Variants in MCM10 observed in about 807,000 individuals in gnomAD.
MCM10 encodes protein MCM10 homolog.
MCM10 carries 91 observed loss-of-function variants against 109.9 expected under a neutral mutation model. That is an observed-to-expected ratio of 0.83 (90% CI 0.70 to 0.99). The LOEUF (loss-of-function observed/expected upper bound fraction) is 0.99, where lower values mean the gene tolerates loss of function less well. Among genes scored for constraint, MCM10 ranks in the 50% least tolerant of loss-of-function variants. The pLI is 0.00. For synonymous variants in MCM10, 380 were observed against 387.2 expected (o/e 0.98, Z 0.22); for missense variants, 1,077 against 1,061.2 (o/e 1.01, Z -0.21).
Position 13,172,345 on chromosome 10 carries a change from G to C in MCM10, c.350-31G>C. The C allele has an allele frequency of 6.4e-7, 1 of 1,556,430 alleles. No individual in the cohort carries two copies. Among genetic ancestry groups the C allele is most frequent in the African/African-American group, 1.4e-5 (1 of 73,626 alleles). ...CATGTAGAACGTTTTCTCCTGCCTG[G>C]TTCTTAAATTAACATATTTTCATTT... On this transcript the variant is annotated intron_variant, in intron 3 of 19. Transcript: ENST00000378714. This position sits in a 1 kb window ranked among gnomAD's most constrained non-coding sequence, Gnocchi z 5.2.
rs150066088 is a variant in MCM10 at position 13,193,800 on chromosome 10, C to G, written c.1745+1232C>G. ...CTCGTGGGAAATAGAGAATGCCCAT[C>G]AGCTTGAAGGCATTGCGTAATGAAA... On this transcript the variant is annotated intron_variant, in intron 13 of 19. Coordinates refer to ENST00000378714, the MANE Select transcript of MCM10 (RefSeq NM_018518.5). 3.3e-3 allele frequency among the ~76,000 whole-genome samples: 497 copies of G among 152,236 alleles called. 3 individuals carry two copies. Among genetic ancestry groups the G allele is most frequent in the African/African-American group, 0.011 (475 of 41,528 alleles).
chr10:13,205,349 A>G (rs757906762), intron 18 of MCM10, among the ~76,000 whole-genome samples: 6 of 152,044 alleles, frequency 3.9e-5, no homozygotes, highest in Non-Finnish European at 8.8e-5. Flanking sequence ...TGTTGCTGTA[A>G]AAGACATGAC....
Position 13,192,447 on chromosome 10 carries a change from T to C in MCM10, c.1628-4T>C. The C allele has an allele frequency of 6.2e-7, 1 of 1,614,108 alleles. No homozygotes were observed. The highest frequency in any genetic ancestry group is 8.5e-7 in the Non-Finnish European group (1 of 1,179,980). On this transcript the variant is annotated splice_polypyrimidine_tract_variant and splice_region_variant and intron_variant, in intron 12 of 19. Coordinates refer to ENST00000378714, the MANE Select transcript of MCM10 (RefSeq NM_018518.5). The stretch of plus-strand genomic sequence containing the variant: ...CACCCCCTCAGTCTGGGCTTCTGTT[T>C]CAGGGATTATGGGGAGCCCAAAACC...
intron 6 of MCM10, among the ~76,000 whole-genome samples, chr10:13,179,869 A>G (rs941885467): frequency 1.2e-4 from 19 of 152,216 alleles, no homozygotes; most frequent in Admixed American, 5.9e-4. Flanking sequence ...TAAAATTTGC[A>G]TAATTTAAGA....
intron 16 of MCM10, among the ~76,000 whole-genome samples, chr10:13,200,093 G>C (rs1834477394): frequency 6.6e-6 from 1 of 152,112 alleles, no homozygotes; most frequent in South Asian, 2.1e-4. Flanking sequence ...AGCCTCCCAA[G>C]TAGCTGGGAC....
intron 13 of MCM10, among the ~76,000 whole-genome samples, chr10:13,193,301 A>AT (rs1834373270): frequency 2.1e-5 from 3 of 141,580 alleles, no homozygotes; most frequent in Admixed American, 6.8e-5. Flanking sequence ...TCAGCCAATA[A>AT]TTAAAAAAAA....
rs748336688 is a variant in MCM10, at chr10:13,164,207, A to G, written c.5A>G (p.Asp2Gly). 1 of 1,597,734 alleles carries G rather than the reference A, an allele frequency of 6.3e-7. No homozygotes were observed. Among genetic ancestry groups the G allele is most frequent in the Non-Finnish European group, 8.5e-7 (1 of 1,175,558 alleles). ...CACAACTGTCCTCTTGACAGCATGGATGGTAAGACCTGGCAGTTTTCTGTT... is the reference window on the plus strand; with the variant it reads ...CACAACTGTCCTCTTGACAGCATGGGTGGTAAGACCTGGCAGTTTTCTGTT... M[D>G]EEEDNLSLLT... Residue 2 changes from aspartate to glycine, a missense_variant and splice_region_variant, in exon 2 of 20, where the codon GAT becomes GGT. Transcript: ENST00000378714.
chr10:13,180,635 G>T (rs1005130953), intron 7 of MCM10, 28 bp downstream of exon 7: 7 of 1,610,592 alleles, frequency 4.3e-6, no homozygotes, highest in African/African-American at 1.3e-5. Context: ...TTTCTTAGCT[G>T]TTTTACTACA....
chr10:13,197,507 A>T, intron 14 of MCM10, 116 bp from the exon 15 acceptor site: 1 of 877,532 alleles, frequency 1.1e-6, no homozygotes, highest in South Asian at 1.8e-5. Context: ...TGTTCTGCCA[A>T]TTTCTGTCAG....
intron 8 of MCM10, among the ~76,000 whole-genome samples, chr10:13,185,579 T>C (rs1834264554): frequency 6.6e-6 from 1 of 152,202 alleles, no homozygotes; most frequent in Admixed American, 6.5e-5. Context: ...TAAGGAGTGC[T>C]GGGAGAACAG....
At chr10:13,186,388 T>A in intron 9 of MCM10, 108 bp downstream of exon 9, 2 of 689,882 alleles carry the variant, frequency 2.9e-6, no homozygotes, top group Non-Finnish European at 4.9e-6. Context: ...GTTTCCCACT[T>A]AAAGGAAGAG....
At chr10:13,201,305 C>A in intron 16 of MCM10, 116 bp from the exon 17 acceptor site, 1 of 699,268 alleles carries the variant, frequency 1.4e-6, no homozygotes, top group Admixed American at 2.2e-5. Context: ...CCATTCTGTT[C>A]TGTTTTGATT....
intron 1 of MCM10, among the ~76,000 whole-genome samples, chr10:13,163,325 A>G (rs1833952620): frequency 6.6e-6 from 1 of 152,198 alleles, no homozygotes; most frequent in Non-Finnish European, 1.5e-5. Context: ...CGACAGAGCG[A>G]GATCCTGTCT....
chr10:13,191,789 G>A (rs571136969), intron 11 of MCM10, among the ~76,000 whole-genome samples: 4 of 152,148 alleles, frequency 2.6e-5, no homozygotes, highest in African/African-American at 7.2e-5. Context: ...GTGTATCTGG[G>A]TCCAACTCTT....
Position 13,209,029 on chromosome 10 carries a change from G to A in MCM10, c.2499-62G>A, listed in dbSNP as rs12269085. ...ACTCTCCCCAGGTGCAGTGAGCACCGTCGTCTTTACATGAGTGGGCCTACA... is the reference window on the plus strand; with the variant it reads ...ACTCTCCCCAGGTGCAGTGAGCACCATCGTCTTTACATGAGTGGGCCTACA... On this transcript the variant is annotated intron_variant, in intron 18 of 19. Transcript: ENST00000378714. 6.6e-4 allele frequency: 792 copies of A among 1,197,276 alleles called. 3 individuals carry two copies. The African/African-American group carries it at 0.01, about 15-fold the overall frequency. 74.2% of individuals were successfully genotyped at this position (1,197,276 alleles called of 1,614,324 possible). A position where few individuals can be genotyped will look rare whatever the true frequency, so the allele number is the denominator to read the frequency against.
chr10:13,170,889 T>C, intron 2 of MCM10, 33 bp from the exon 3 acceptor site: 4 of 1,585,902 alleles, frequency 2.5e-6, no homozygotes, highest in Non-Finnish European at 2.6e-6. Context: ...TTAGCCGTGC[T>C]TATTCTCTGT....
chr10:13,191,155 G>A (rs187502702), intron 10 of MCM10, 144 bp from the exon 11 acceptor site: 19 of 599,822 alleles, frequency 3.2e-5, no homozygotes, highest in Non-Finnish European at 4.8e-5. Flanking sequence ...CTATTGGGCC[G>A]TAACATTAAG....
In MCM10 at chr10:13,164,900, A is replaced by T. The variant is rs533134889; in HGVS notation, c.7+691A>T. Among the ~76,000 whole-genome samples, 23 of 152,100 alleles carry T rather than the reference A, an allele frequency of 1.5e-4. No homozygotes were observed. In the South Asian group the frequency reaches 3.9e-3, roughly 26 times the overall value. ...AGAGTGAGACCTCATTTCTATTTTT[A>T]AAAAATTAAAATGATTGTGCTGGTT... On this transcript the variant is annotated intron_variant, in intron 2 of 19. Coordinates refer to ENST00000378714, the MANE Select transcript of MCM10 (RefSeq NM_018518.5).
chr10:13,179,322 T>G (rs1383765190), intron 6 of MCM10, among the ~76,000 whole-genome samples: 3 of 152,208 alleles, frequency 2.0e-5, no homozygotes, highest in Admixed American at 6.5e-5. Context: ...TAGGGACATC[T>G]GCTCCTTGGC....
Sources: gnomAD v4.1 joint callset for allele counts (sites outside exome capture counted in the v4.1 genomes callset) on GRCh38, gnomAD v4.1.1 for gene constraint, Gnocchi (gnomAD v3.1) non-coding constraint, MANE v1.5 for transcripts, NCBI Gene and HGNC (gene_info 2026-07-23, HGNC 2026-07-21) for gene names.